FAM120C: variants seen among roughly 807,000 people sequenced by gnomAD.
FAM120C encodes family with sequence similarity 120 member C, also known as constitutive coactivator of PPAR-gamma-like protein 2.
FAM120C carries 14 observed loss-of-function variants against 71.2 expected under a neutral mutation model. The observed-to-expected ratio is 0.20, with a 90% confidence interval of 0.13 to 0.31. FAM120C has a LOEUF of 0.31. Among genes scored for constraint, FAM120C ranks in the 10% least tolerant of loss-of-function variants. FAM120C has a pLI of 1.00. For synonymous variants in FAM120C, 354 were observed against 353.2 expected (o/e 1.00, Z -0.03); for missense variants, 500 against 879.0 (o/e 0.57, Z 5.45).
At chrX:54,083,472 CACACA>C (rs2066778131) in intron 13 of FAM120C, among the ~76,000 whole-genome samples, 2 of 107,459 alleles carry the variant, frequency 1.9e-5, no homozygotes, top group African/African-American at 6.9e-5. Context: ...CACACACACA[CACACA>C]CCAAAATATT....
Position 54,073,143 on chromosome X carries a change from C to T in FAM120C, c.3181G>A (p.Asp1061Asn). The T allele has an allele frequency of 8.3e-7, 1 of 1,211,441 alleles. No homozygotes were observed. The highest frequency in any genetic ancestry group is 1.1e-6 in the Non-Finnish European group (1 of 895,455). The change falls in exon 16 of 16, where the codon GAC (aspartate) becomes AAC (asparagine). Residue 1061 changes from aspartate (D) to asparagine (N), a missense_variant. Physicochemically the swap from Asp to Asn is conservative, Grantham distance 23 (BLOSUM62 1). Around this residue, in one of 11 missense-constraint regions of FAM120C, gnomAD observed 85 missense variants for 96.1 expected, o/e 0.88. Coordinates refer to ENST00000375180, the MANE Select transcript of FAM120C (RefSeq NM_017848.6). ...PAPSQCALSR[D>N]SNECNNGNRY... ...TTACCATTATTACACTCATTGCTGT[C>T]TCTGGATAAGGCACATTGTGATGGA...
Position 54,069,685 on chromosome X carries a change from G to T in FAM120C, c.*3348C>A, listed in dbSNP as rs1557119895. The T allele has an allele frequency of 9.0e-6, 1 of 111,609 alleles. No individual in the cohort carries two copies. 9.2% of individuals were successfully genotyped at this position (111,609 alleles called of 1,213,427 possible). A position where few individuals can be genotyped will look rare whatever the true frequency, so the allele number is the denominator to read the frequency against. On this transcript the variant is annotated 3_prime_UTR_variant, in exon 16 of 16. Coordinates refer to ENST00000375180, the MANE Select transcript of FAM120C (RefSeq NM_017848.6). ...CTTGGCCAATGATGTCAGAAATCAA[G>T]ATGGAGACAAAAATCAAATGTCACT...
intron 1 of FAM120C, among the ~76,000 whole-genome samples, chrX:54,174,716 G>T (rs970845439): frequency 8.0e-5 from 9 of 111,988 alleles, no homozygotes; most frequent in African/African-American, 2.6e-4. Context: ...AGATCCTGGT[G>T]AACACTACTG....
chrX:54,145,023 C>T (rs1178715013), intron 4 of FAM120C, among the ~76,000 whole-genome samples: 1 of 111,768 alleles, frequency 8.9e-6, no homozygotes, highest in Non-Finnish European at 1.9e-5. Flanking sequence ...ACATCTACAA[C>T]CATCTGATCT....
chrX:54,104,404 G>A (rs2066895971), intron 10 of FAM120C, among the ~76,000 whole-genome samples: 1 of 111,643 alleles, frequency 9.0e-6, no homozygotes, highest in African/African-American at 3.3e-5. Flanking sequence ...TGATATTGCT[G>A]GACAATGCAG....
At chrX:54,108,637 G>A (rs1003736984) in intron 10 of FAM120C, among the ~76,000 whole-genome samples, 12 of 110,965 alleles carry the variant, frequency 1.1e-4, no homozygotes, top group Non-Finnish European at 1.7e-4. Context: ...ATATAAAAAC[G>A]TAGTACATAA....
In FAM120C at chrX:54,069,304, A is replaced by T. The variant is rs1408704992; in HGVS notation, c.*3729T>A. On this transcript the variant is annotated 3_prime_UTR_variant, in exon 16 of 16. Coordinates refer to ENST00000375180, the MANE Select transcript of FAM120C (RefSeq NM_017848.6). Reference sequence around the variant, plus strand: ...AAAAATATAAGATGACACGCAATGGAACAGTGAAAACTCAACCCCCCACCC... The same window carrying T: ...AAAAATATAAGATGACACGCAATGGTACAGTGAAAACTCAACCCCCCACCC... 1.8e-5 allele frequency: 2 copies of T among 111,103 alleles called. No individual in the cohort carries two copies. The highest frequency in any genetic ancestry group is 3.8e-5 in the Non-Finnish European group (2 of 53,012). The allele number at this position is 111,103 out of a possible 1,213,427, so 9.2% of individuals were successfully genotyped here. A position where few individuals can be genotyped will look rare whatever the true frequency, so the allele number is the denominator to read the frequency against.
chrX:54,102,742 C>A (rs2066888152), intron 10 of FAM120C, among the ~76,000 whole-genome samples: 1 of 69,343 alleles, frequency 1.4e-5, no homozygotes, highest in Non-Finnish European at 2.7e-5. Flanking sequence ...TTTTTGGAGA[C>A]AGAGTCTCTG....
intron 4 of FAM120C, among the ~76,000 whole-genome samples, chrX:54,139,189 C>G (rs952003512): frequency 6.3e-5 from 7 of 111,169 alleles, no homozygotes; most frequent in Non-Finnish European, 1.3e-4. Flanking sequence ...CTTTCCAAAA[C>G]AGATGTCTCA....
chrX:54,114,951 G>A (rs1388364597), intron 10 of FAM120C, among the ~76,000 whole-genome samples: 1 of 107,805 alleles, frequency 9.3e-6, no homozygotes, highest in East Asian at 2.9e-4. Flanking sequence ...TATAGATGGG[G>A]TTTCATCATG....
chrX:54,149,924 TTAAAAA>T (rs782160137), intron 4 of FAM120C, among the ~76,000 whole-genome samples: 7 of 112,558 alleles, frequency 6.2e-5, no homozygotes, highest in African/African-American at 2.3e-4. Flanking sequence ...AATCAAATTG[TTAAAAA>T]TAAAACTAAC....
chrX:54,098,537 T>C (rs2066866034), intron 10 of FAM120C, among the ~76,000 whole-genome samples: 1 of 112,140 alleles, frequency 8.9e-6, no homozygotes, highest in Non-Finnish European at 1.9e-5. Flanking sequence ...GGGTGTTAAC[T>C]GGTTTCTCAT....
At chrX:54,174,997 T>A in intron 1 of FAM120C, among the ~76,000 whole-genome samples, 1 of 111,244 alleles carries the variant, frequency 9.0e-6, no homozygotes, top group East Asian at 2.8e-4. Flanking sequence ...ATACCATAAG[T>A]ATTTTCTTAC....
At chrX:54,077,713 G>A (rs1307165904) in intron 15 of FAM120C, among the ~76,000 whole-genome samples, 1 of 110,581 alleles carries the variant, frequency 9.0e-6, no homozygotes, top group African/African-American at 3.3e-5. Context: ...ATACTTCACA[G>A]GGTATTTATG....
intron 4 of FAM120C, among the ~76,000 whole-genome samples, chrX:54,142,445 G>A (rs782431065): frequency 4.5e-5 from 5 of 111,607 alleles, no homozygotes; most frequent in Admixed American, 1.9e-4. Context: ...CGCCTGGCTC[G>A]GAGGGTCCTA....
intron 4 of FAM120C, among the ~76,000 whole-genome samples, chrX:54,136,846 AG>A (rs1204349665): frequency 9.0e-6 from 1 of 111,027 alleles, no homozygotes; most frequent in African/African-American, 3.3e-5. Flanking sequence ...CAATGGGATA[AG>A]GGGGAAAAAT....
intron 10 of FAM120C, among the ~76,000 whole-genome samples, chrX:54,105,301 C>G (rs1298325313): frequency 9.0e-6 from 1 of 111,708 alleles, no homozygotes; most frequent in Non-Finnish European, 1.9e-5. Context: ...GAACCAAAGA[C>G]AAAAACCACA....
In FAM120C at chrX:54,070,769, A is replaced by T. The variant is rs2066705828; in HGVS notation, c.*2264T>A. The T allele has an allele frequency of 9.0e-6, 1 of 111,515 alleles. No homozygotes were observed. The highest frequency in any genetic ancestry group is 9.6e-5 in the Admixed American group (1 of 10,416). The allele number at this position is 111,515 out of a possible 1,213,427, so 9.2% of individuals were successfully genotyped here. A position where few individuals can be genotyped will look rare whatever the true frequency, so the allele number is the denominator to read the frequency against. On this transcript the variant is annotated 3_prime_UTR_variant, in exon 16 of 16. Transcript: ENST00000375180. ...GGAGGTTTTTCTATACTTTGTTTCT[A>T]CTTCTGTCTGGTTAGATGTACACTC...
At chrX:54,182,422 AGTGGGTAG>A (rs2146658711) in intron 1 of FAM120C, 70 bp downstream of exon 1, 7 of 1,073,941 alleles carry the variant, frequency 6.5e-6, no homozygotes, top group Non-Finnish European at 8.6e-6. Flanking sequence ...GTAGTGGGTA[AGTGGGTAG>A]GTGGTTAGGT....
Sources: allele counts gnomAD v4.1 joint callset (sites outside exome capture counted in the v4.1 genomes callset), GRCh38; gene constraint gnomAD v4.1.1; regional missense constraint gnomAD v4.1.1; transcripts MANE v1.5; gene names NCBI Gene and HGNC (gene_info 2026-07-23, HGNC 2026-07-21).